SH3RF3: variants seen among roughly 807,000 people sequenced by gnomAD.
SH3RF3 encodes SH3 domain containing ring finger 3.
Under a neutral mutation model 66.3 loss-of-function variants are expected in SH3RF3, and 29 were observed. The ratio of observed to expected loss-of-function variants is 0.44; its 90% CI spans 0.33 to 0.60. The LOEUF (loss-of-function observed/expected upper bound fraction) is 0.60. Among genes scored for constraint, SH3RF3 ranks in the 20% least tolerant of loss-of-function variants. The pLI, the probability that SH3RF3 is intolerant of heterozygous loss-of-function variation, is 0.04. For synonymous variants in SH3RF3, 583 were observed against 532.0 expected, an observed-to-expected ratio of 1.10 and a Z score of -1.32; for missense variants, 1,194 against 1,190.9, an observed-to-expected ratio of 1.00 and a Z score of -0.04.
At chr2:109,365,411 T>A (rs1185850794) in intron 2 of SH3RF3, among the ~76,000 whole-genome samples, 1 of 152,226 alleles carries the variant, frequency 6.6e-6, no homozygotes, top group African/African-American at 2.4e-5. Flanking sequence ...GGATTTCTGG[T>A]ATTTCCCTAT....
intron 5 of SH3RF3, among the ~76,000 whole-genome samples, chr2:109,430,021 A>C (rs1035714977): frequency 6.6e-6 from 1 of 152,182 alleles, no homozygotes; most frequent in Non-Finnish European, 1.5e-5. Context: ...CACCTTGCCT[A>C]CCAGCCCAGG....
rs1196832460 is a variant in SH3RF3, at chr2:109,158,799, G to A, written c.573+28686G>A. Among the ~76,000 whole-genome samples, 3 of 152,322 alleles carry A rather than the reference G, an allele frequency of 2.0e-5. No individual in the cohort carries two copies. In the South Asian group the frequency reaches 6.2e-4, roughly 32 times the overall value. On this transcript the variant is annotated intron_variant, in intron 1 of 9. Transcript: ENST00000309415. ...GTAGCAATGGCTGATTCCCGAGTGT[G>A]CACTCTGGACCAGCCCTGGTCTACA...
At chr2:109,437,622 T>C (rs1677441269) in intron 7 of SH3RF3, among the ~76,000 whole-genome samples, 1 of 152,114 alleles carries the variant, frequency 6.6e-6, no homozygotes, top group African/African-American at 2.4e-5. Context: ...AGGACAGGGC[T>C]GGGGTGAGAC....
chr2:109,481,503 G>T (rs1357003116), intron 8 of SH3RF3, among the ~76,000 whole-genome samples: 2 of 152,178 alleles, frequency 1.3e-5, no homozygotes, highest in Non-Finnish European at 2.9e-5. Context: ...AACCTCCTCG[G>T]CCTGTTATTG....
intron 3 of SH3RF3, among the ~76,000 whole-genome samples, chr2:109,386,899 G>A (rs527552876): frequency 2.6e-5 from 4 of 152,264 alleles, no homozygotes; most frequent in African/African-American, 9.6e-5. Flanking sequence ...TGTCACTGCC[G>A]CAGCTCAGGA....
intron 3 of SH3RF3, among the ~76,000 whole-genome samples, chr2:109,378,634 C>T (rs1683444171): frequency 6.6e-6 from 1 of 152,152 alleles, no homozygotes; most frequent in African/African-American, 2.4e-5. Flanking sequence ...ATTGCTTAGA[C>T]TCAGTTTGGT....
intron 1 of SH3RF3, among the ~76,000 whole-genome samples, chr2:109,228,918 G>T (rs1679434855): frequency 6.6e-6 from 1 of 152,184 alleles, no homozygotes; most frequent in African/African-American, 2.4e-5. Flanking sequence ...GCCCTCTTTG[G>T]AGGATGGGGT....
chr2:109,234,621 C>T (rs1052881130), intron 1 of SH3RF3, among the ~76,000 whole-genome samples: 1 of 152,222 alleles, frequency 6.6e-6, no homozygotes, highest in Admixed American at 6.5e-5. Flanking sequence ...TTCTCATTCA[C>T]GCTGTTAGAT....
At chr2:109,358,003 T>G (rs1682985476) in intron 2 of SH3RF3, among the ~76,000 whole-genome samples, 1 of 152,210 alleles carries the variant, frequency 6.6e-6, no homozygotes, top group Non-Finnish European at 1.5e-5. Context: ...TATAGGCCCA[T>G]ACAAAGTAGG....
Position 109,468,611 on chromosome 2 carries a change from T to C in SH3RF3, c.2148+19122T>C, listed in dbSNP as rs1340316582. ...GCTCACGCCTGTAATCCCAGCACTT[T>C]GGGAGGCCGAGGCAGGTGGATCATT... On this transcript the variant is annotated intron_variant, in intron 8 of 9. Coordinates refer to ENST00000309415, the MANE Select transcript of SH3RF3 (RefSeq NM_001099289.3). 2.0e-5 allele frequency among the ~76,000 whole-genome samples: 3 copies of C among 151,964 alleles called. No homozygotes were observed. The East Asian group carries it at 5.8e-4, about 29-fold the overall frequency.
At chr2:109,383,788 T>A (rs889755082) in intron 3 of SH3RF3, among the ~76,000 whole-genome samples, 1 of 152,166 alleles carries the variant, frequency 6.6e-6, no homozygotes, top group African/African-American at 2.4e-5. Context: ...AGAGTCTTAG[T>A]TTGAAGCTCT....
intron 1 of SH3RF3, among the ~76,000 whole-genome samples, chr2:109,235,928 G>C (rs563960611): frequency 6.6e-6 from 1 of 152,242 alleles, no homozygotes; most frequent in East Asian, 1.9e-4. Context: ...TTAAGAGGCT[G>C]TGGGGTTGGT....
chr2:109,242,712 C>G (rs1207656948), intron 1 of SH3RF3, among the ~76,000 whole-genome samples: 1 of 152,216 alleles, frequency 6.6e-6, no homozygotes, highest in Non-Finnish European at 1.5e-5. Flanking sequence ...GAGCCCTGGT[C>G]TGGGCTCAGA....
chr2:109,231,949 C>T (rs566251765), intron 1 of SH3RF3, among the ~76,000 whole-genome samples: 1 of 152,310 alleles, frequency 6.6e-6, no homozygotes, highest in South Asian at 2.1e-4. Flanking sequence ...AGAGTTGTGT[C>T]CATCACCACA....
chr2:109,474,325 G>A (rs1678615726), intron 8 of SH3RF3, among the ~76,000 whole-genome samples: 1 of 152,166 alleles, frequency 6.6e-6, no homozygotes, highest in South Asian at 2.1e-4. Flanking sequence ...CTGTTTGAGA[G>A]GAGAAACCCC....
chr2:109,409,843 C>G (rs908732999), intron 4 of SH3RF3, among the ~76,000 whole-genome samples: 1 of 152,054 alleles, frequency 6.6e-6, no homozygotes, highest in Non-Finnish European at 1.5e-5. Context: ...GATTTACACC[C>G]CGTGTAATGG....
chr2:109,496,992 T>C (rs938181352), intron 9 of SH3RF3, among the ~76,000 whole-genome samples: 1 of 152,126 alleles, frequency 6.6e-6, no homozygotes, highest in African/African-American at 2.4e-5. Flanking sequence ...TGAAGGCAGC[T>C]TCTAGCAACT....
intron 1 of SH3RF3, among the ~76,000 whole-genome samples, chr2:109,325,624 C>T (rs1176414311): frequency 6.6e-6 from 1 of 152,188 alleles, no homozygotes; most frequent in Non-Finnish European, 1.5e-5. Flanking sequence ...TCACTCACCA[C>T]TTCCCAAAGC....
intron 1 of SH3RF3, among the ~76,000 whole-genome samples, chr2:109,227,820 C>T (rs1052603088): frequency 2.0e-5 from 3 of 152,206 alleles, no homozygotes; most frequent in Non-Finnish European, 4.4e-5. Flanking sequence ...CCCGAATTCC[C>T]GCTCACTCTG....
Sources: allele counts gnomAD v4.1 joint callset (sites outside exome capture counted in the v4.1 genomes callset), GRCh38; gene constraint gnomAD v4.1.1; transcripts MANE v1.5; gene names NCBI Gene and HGNC (gene_info 2026-07-23, HGNC 2026-07-21).